The following CCSER1 variants were observed in gnomAD, a reference collection of about 807,000 sequenced individuals.
The protein encoded by CCSER1 is coiled-coil serine rich protein 1.
A neutral mutation model predicts 82.0 loss-of-function variants in CCSER1; 41 were observed. The observed-to-expected ratio is 0.50, with a 90% CI of 0.39 to 0.65. The LOEUF (loss-of-function observed/expected upper bound fraction) is 0.65. Ranked by LOEUF, CCSER1 falls within the 30% of genes least tolerant of loss-of-function variation. The pLI is 0.00. For missense variants in CCSER1, 1,119 were observed against 1,064.2 expected (o/e 1.05, Z -0.72); for synonymous variants, 414 against 383.9 (o/e 1.08, Z -0.92).
intron 10 of CCSER1, among the ~76,000 whole-genome samples, chr4:91,574,174 T>G (rs758526601): frequency 2.6e-5 from 4 of 151,674 alleles, no homozygotes; most frequent in Admixed American, 2.0e-4. Flanking sequence ...CAAGGAAACA[T>G]ATAAGGTACT....
At chr4:91,078,003 C>A (rs1722202806) in intron 9 of CCSER1, among the ~76,000 whole-genome samples, 1 of 152,338 alleles carries the variant, frequency 6.6e-6, no homozygotes, top group South Asian at 2.1e-4. Context: ...TCTGTAGACT[C>A]CACCTCTAGG....
intron 1 of CCSER1, among the ~76,000 whole-genome samples, chr4:90,173,990 A>C (rs1732216673): frequency 1.3e-5 from 2 of 151,866 alleles, no homozygotes; most frequent in African/African-American, 4.8e-5. Context: ...TGTAGGATTT[A>C]TTTTCTTCTT....
intron 8 of CCSER1, among the ~76,000 whole-genome samples, chr4:90,863,319 T>G (rs1183421377): frequency 1.3e-5 from 2 of 152,020 alleles, no homozygotes; most frequent in Non-Finnish European, 2.9e-5. Context: ...TAACATCTTT[T>G]TCTTTTGAGA....
chr4:91,053,696 A>G (rs542881130), intron 9 of CCSER1, among the ~76,000 whole-genome samples: 46 of 152,344 alleles, frequency 3.0e-4, no homozygotes, highest in Non-Finnish European at 6.0e-4. Context: ...CCTGGGAAAC[A>G]TCCCGAACTA....
rs147167360 is a variant in CCSER1 at position 91,279,978 on chromosome 4, G to A, written c.2217+193984G>A. On this transcript the variant is annotated intron_variant, in intron 10 of 10. Coordinates refer to ENST00000509176, the MANE Select transcript of CCSER1 (RefSeq NM_001145065.2). ...TTGGCTTTAATTCTGGTCATGTGCC[G>A]TAGTATAGTCTCTATATGATTTATT... Among the ~76,000 whole-genome samples the A allele has an allele frequency of 6.5e-3, 986 of 152,260 alleles. 2 individuals carry two copies. Among genetic ancestry groups the A allele is most frequent in the East Asian group, 0.011 (56 of 5,176 alleles).
intron 10 of CCSER1, among the ~76,000 whole-genome samples, chr4:91,262,385 A>G (rs1431778722): frequency 6.6e-6 from 1 of 152,078 alleles, no homozygotes; most frequent in Non-Finnish European, 1.5e-5. Flanking sequence ...CTGGTACCTC[A>G]TAGGCACTCA....
chr4:90,462,368 G>A (rs937006433), intron 4 of CCSER1, among the ~76,000 whole-genome samples: 1 of 152,040 alleles, frequency 6.6e-6, no homozygotes, highest in African/African-American at 2.4e-5. Context: ...GACAAGGATG[G>A]GATTTCTATC....
intron 10 of CCSER1, among the ~76,000 whole-genome samples, chr4:91,494,272 A>G (rs371768826): frequency 3.3e-5 from 5 of 151,828 alleles, no homozygotes; most frequent in African/African-American, 1.2e-4. Context: ...GCAAATGTGA[A>G]CTACTAGCAG....
rs1246013595 is a variant in CCSER1 at position 91,195,881 on chromosome 4, C to CCCGGGAGGCGGA, written c.2217+109887_2217+109888insCCGGGAGGCGGA. Among the ~76,000 whole-genome samples, 28 of 151,986 alleles carry CCCGGGAGGCGGA rather than the reference C, an allele frequency of 1.8e-4. 1 individual carries two copies. The highest frequency in any genetic ancestry group is 6.3e-4 in the African/African-American group (26 of 41,340). ...ATTCACACCGTTCCCTTTCTTACAA[C>CCCGGGAGGCGGA]TCTTCATGACTCCACCTTGCCATTA... On this transcript the variant is annotated intron_variant, in intron 10 of 10. Transcript: ENST00000509176.
At chr4:90,899,065 T>C (rs1351514190) in intron 8 of CCSER1, among the ~76,000 whole-genome samples, 1 of 152,116 alleles carries the variant, frequency 6.6e-6, no homozygotes, top group Non-Finnish European at 1.5e-5. Context: ...ATTGGTTTGT[T>C]CTATCTATGA....
intron 8 of CCSER1, among the ~76,000 whole-genome samples, chr4:90,902,307 G>T (rs1252296760): frequency 1.3e-5 from 2 of 151,652 alleles, no homozygotes; most frequent in African/African-American, 4.8e-5. Flanking sequence ...TTTTAATTTT[G>T]GTTAGGATCC....
At chr4:90,747,020 T>C (rs1747593216) in intron 7 of CCSER1, among the ~76,000 whole-genome samples, 2 of 151,922 alleles carry the variant, frequency 1.3e-5, no homozygotes, top group African/African-American at 2.4e-5. Flanking sequence ...ATTTGCTTGA[T>C]ATAACTGAGG....
chr4:91,069,044 T>G (rs1340785464), intron 9 of CCSER1, among the ~76,000 whole-genome samples: 1 of 151,994 alleles, frequency 6.6e-6, no homozygotes, highest in Non-Finnish European at 1.5e-5. Flanking sequence ...TGCGGTGGCA[T>G]GCACCTGTAA....
chr4:91,105,490 G>A (rs1375512826), intron 10 of CCSER1, among the ~76,000 whole-genome samples: 7 of 152,024 alleles, frequency 4.6e-5, no homozygotes, highest in African/African-American at 1.4e-4. Flanking sequence ...CGGATCACAA[G>A]GTCAGGAGTT....
chr4:90,140,097 G>A (rs1724463573), intron 1 of CCSER1, among the ~76,000 whole-genome samples: 1 of 152,072 alleles, frequency 6.6e-6, no homozygotes, highest in Admixed American at 6.5e-5. Flanking sequence ...CAAATAATAT[G>A]GTCATCATTA....
intron 10 of CCSER1, among the ~76,000 whole-genome samples, chr4:91,181,999 G>A (rs11728976): frequency 0.07 from 10,626 of 152,218 alleles, 431 homozygotes; most frequent in East Asian, 0.13. Flanking sequence ...GGTGATAACC[G>A]CTGTCATAGC....
intron 1 of CCSER1, among the ~76,000 whole-genome samples, chr4:90,298,074 G>A (rs1732343886): frequency 6.6e-6 from 1 of 152,136 alleles, no homozygotes; most frequent in Admixed American, 6.5e-5. Flanking sequence ...AATGGTACCA[G>A]TTCCTCCTTG....
chr4:90,791,324 A>T (rs1755203225), intron 7 of CCSER1, among the ~76,000 whole-genome samples: 1 of 152,182 alleles, frequency 6.6e-6, no homozygotes, highest in African/African-American at 2.4e-5. Context: ...AATGCCATCA[A>T]ACCACATTGC....
At chr4:91,560,266 G>C (rs1022636828) in intron 10 of CCSER1, among the ~76,000 whole-genome samples, 1 of 145,524 alleles carries the variant, frequency 6.9e-6, no homozygotes, top group African/African-American at 2.6e-5. Context: ...TATTTAGTTT[G>C]TGCACTATTG....
Sources: allele counts gnomAD v4.1 joint callset (sites outside exome capture counted in the v4.1 genomes callset), GRCh38; gene constraint gnomAD v4.1.1; transcripts MANE v1.5; gene names NCBI Gene and HGNC (gene_info 2026-07-23, HGNC 2026-07-21).